Variants in ARL17B observed in about 807,000 individuals in gnomAD.
The protein encoded by ARL17B is ARF like GTPase 17B.
chr17:46,291,985 A>AAAAAAAAAAAAAAAAAAAAAAC (rs1360524355), intron 4 of ARL17B, among the ~76,000 whole-genome samples: 3 of 76,586 alleles, frequency 3.9e-5, no homozygotes, highest in Non-Finnish European at 5.5e-5. Context: ...AAAAAAAAAA[A>AAAAAAAAAAAAAAAAAAAAAAC]AAGCCAATAA....
At chr17:46,300,130 C>T in intron 3 of ARL17B, among the ~76,000 whole-genome samples, 2 of 66,812 alleles carry the variant, frequency 3.0e-5, no homozygotes, top group African/African-American at 3.7e-5. Context: ...TTTTTTTTTT[C>T]AGAGACAGGG....
At position 46,275,330 on chromosome 17, in the gene ARL17B, T is replaced by C. The variant is rs1699038891; in HGVS notation, c.*110A>G. On this transcript the variant is annotated 3_prime_UTR_variant, in exon 5 of 5. Coordinates refer to the ARL17B transcript ENST00000570618. ...GATCTGGCTCCTTAATTTAAAATAGTTCAGGCAACAAGATTCTTGCTGTGT... is the reference window on the plus strand; with the variant it reads ...GATCTGGCTCCTTAATTTAAAATAGCTCAGGCAACAAGATTCTTGCTGTGT... 7.0e-6 allele frequency: 6 copies of C among 860,556 alleles called. No individual in the cohort carries two copies. In the South Asian group the frequency reaches 7.4e-5, roughly 11 times the overall value. The allele number at this position is 860,556 out of a possible 1,614,324, so 53.3% of individuals were successfully genotyped here.
chr17:46,278,032 G>A (rs1471376776), intron 4 of ARL17B, among the ~76,000 whole-genome samples: 4 of 151,512 alleles, frequency 2.6e-5, no homozygotes, highest in Admixed American at 1.3e-4. Flanking sequence ...TGCAACCTCC[G>A]CCTCCCACGT....
At chr17:46,321,357 G>GGA (rs1555618740) in intron 3 of ARL17B, among the ~76,000 whole-genome samples, 3 of 31,366 alleles carry the variant, frequency 9.6e-5, no homozygotes, top group African/African-American at 3.1e-4. Flanking sequence ...CTCCGTCTCA[G>GGA]AAAAAAAAAA....
chr17:46,304,937 C>T (rs867759029), intron 3 of ARL17B, among the ~76,000 whole-genome samples: 2,658 of 60,730 alleles, frequency 0.044, 47 homozygotes, highest in African/African-American at 0.1. Context: ...GGTGCGATCT[C>T]GGCTCACTGC....
At chr17:46,324,723 C>A (rs1184247442) in intron 3 of ARL17B, among the ~76,000 whole-genome samples, 3 of 70,060 alleles carry the variant, frequency 4.3e-5, no homozygotes, top group Admixed American at 1.6e-4. Flanking sequence ...GCCTGTAGTC[C>A]CAGCTACTAG....
At chr17:46,278,483 C>T (rs538273804) in intron 4 of ARL17B, among the ~76,000 whole-genome samples, 8 of 151,798 alleles carry the variant, frequency 5.3e-5, no homozygotes, top group Admixed American at 3.9e-4. Context: ...CAGCTCACTG[C>T]AACCTCCACC....
intron 4 of ARL17B, among the ~76,000 whole-genome samples, chr17:46,279,260 T>C (rs1451609526): frequency 1.3e-5 from 2 of 150,998 alleles, no homozygotes; most frequent in African/African-American, 2.4e-5. Context: ...CTTGGCTCAC[T>C]GCAACCTCCA....
chr17:46,317,335 A>C (rs1229949264), intron 3 of ARL17B, among the ~76,000 whole-genome samples: 1 of 80,850 alleles, frequency 1.2e-5, no homozygotes, highest in Non-Finnish European at 3.7e-5. Context: ...CAGCACCTGC[A>C]TTGTTTTTGA....
At chr17:46,288,212 G>A (rs2049970286) in intron 4 of ARL17B, among the ~76,000 whole-genome samples, 1 of 151,820 alleles carries the variant, frequency 6.6e-6, no homozygotes, top group South Asian at 2.1e-4. Flanking sequence ...CAGGATCACG[G>A]CCCCCTGCAG....
chr17:46,291,044 T>A (rs1449703932), intron 4 of ARL17B, among the ~76,000 whole-genome samples: 2 of 152,254 alleles, frequency 1.3e-5, no homozygotes, highest in Non-Finnish European at 2.9e-5. Flanking sequence ...TCTGCTTCTC[T>A]GTCTATAGAC....
Position 46,326,948 on chromosome 17 carries a change from G to C in ARL17B, c.259+25872C>G, listed in dbSNP as rs990670556. ...CCTCTTTTGCCCAAATTTACGTATT[G>C]GAAAAAATTCAAACAAGCCAGAAAG... On this transcript the variant is annotated intron_variant, in intron 3 of 4. Coordinates refer to the ARL17B transcript ENST00000434041. Among the ~76,000 whole-genome samples the C allele has an allele frequency of 4.6e-4, 32 of 70,178 alleles. 2 individuals carry two copies. Among genetic ancestry groups the C allele is most frequent in the Non-Finnish European group, 9.7e-4 (26 of 26,804 alleles). The allele number at this position is 70,178 out of a possible 152,430, so 46.0% of individuals were successfully genotyped here. A position where few individuals can be genotyped will look rare whatever the true frequency, so the allele number is the denominator to read the frequency against.
chr17:46,290,965 C>T (rs2050050627), intron 4 of ARL17B, among the ~76,000 whole-genome samples: 1 of 152,236 alleles, frequency 6.6e-6, no homozygotes, highest in African/African-American at 2.4e-5. Flanking sequence ...TACATGACTA[C>T]CTCAGGAAGC....
chr17:46,321,357 GAAAAAAAAAA>G (rs763727306), intron 3 of ARL17B, among the ~76,000 whole-genome samples: 2 of 31,356 alleles, frequency 6.4e-5, no homozygotes, highest in Non-Finnish European at 8.7e-5. Flanking sequence ...CTCCGTCTCA[GAAAAAAAAAA>G]AAAAAAAAAA....
At chr17:46,324,507 A>G (rs2143972833) in intron 3 of ARL17B, among the ~76,000 whole-genome samples, 1 of 75,534 alleles carries the variant, frequency 1.3e-5, no homozygotes, top group Admixed American at 1.4e-4. Context: ...TATGTGATGT[A>G]TCTTTTTTAT....
intron 4 of ARL17B, among the ~76,000 whole-genome samples, chr17:46,290,515 C>T (rs756081871): frequency 3.3e-5 from 5 of 152,298 alleles, no homozygotes; most frequent in African/African-American, 4.8e-5. Flanking sequence ...GGCATGATCT[C>T]GGCTCACTGC....
intron 4 of ARL17B, among the ~76,000 whole-genome samples, chr17:46,279,411 C>G (rs1429234502): frequency 1.3e-5 from 2 of 151,166 alleles, no homozygotes; most frequent in Non-Finnish European, 2.9e-5. Flanking sequence ...CTTGAACTCC[C>G]GACCTCAGGT....
intron 4 of ARL17B, among the ~76,000 whole-genome samples, chr17:46,280,441 A>G (rs546481393): frequency 2.0e-5 from 3 of 152,178 alleles, no homozygotes; most frequent in Non-Finnish European, 2.9e-5. Flanking sequence ...TGGGAGGCCA[A>G]GGTTGGCGGG....
At chr17:46,284,970 C>A (rs2049865417) in intron 4 of ARL17B, among the ~76,000 whole-genome samples, 1 of 152,150 alleles carries the variant, frequency 6.6e-6, no homozygotes, top group Admixed American at 6.5e-5. Context: ...CTCAAGTGAT[C>A]CTCTCACCTC....
Sources: gnomAD v4.1 joint callset for allele counts (sites outside exome capture counted in the v4.1 genomes callset) on GRCh38, gnomAD v4.1.1 for gene constraint, MANE v1.5 for transcripts, NCBI Gene and HGNC (gene_info 2026-07-23, HGNC 2026-07-21) for gene names.